CRADD: variants seen among roughly 807,000 people sequenced by gnomAD.
CRADD encodes the protein death domain-containing protein CRADD.
Under a neutral mutation model 15.5 loss-of-function variants are expected in CRADD, and 9 were observed. The ratio of observed to expected loss-of-function variants is 0.58; its 90% CI spans 0.35 to 1.01. The LOEUF (loss-of-function observed/expected upper bound fraction) is 1.01. CRADD is among the 50% of genes least tolerant of loss of function. CRADD has a pLI of 0.02. For synonymous variants in CRADD, 118 were observed against 107.6 expected, an observed-to-expected ratio of 1.10 and a Z score of -0.60; for missense variants, 227 against 250.3, an observed-to-expected ratio of 0.91 and a Z score of 0.63.
intron 2 of CRADD, among the ~76,000 whole-genome samples, chr12:93,819,045 G>A (rs1957740352): frequency 6.6e-6 from 1 of 152,210 alleles, no homozygotes; most frequent in Non-Finnish European, 1.5e-5. Context: ...ACAAAATAAG[G>A]CCTTTTCCCT....
intron 2 of CRADD, among the ~76,000 whole-genome samples, chr12:93,889,754 G>A (rs7978234): frequency 0.67 from 102,047 of 151,986 alleles, 34,517 homozygotes; most frequent in African/African-American, 0.72. Flanking sequence ...ACATAGGGAT[G>A]TGGTCAGTAA....
At chr12:93,875,887 G>A (rs991843868) in intron 2 of CRADD, among the ~76,000 whole-genome samples, 5 of 152,036 alleles carry the variant, frequency 3.3e-5, no homozygotes, top group Admixed American at 6.6e-5. Context: ...GTTTTTCTGC[G>A]TACTTACCAT....
intron 2 of CRADD, among the ~76,000 whole-genome samples, chr12:93,880,879 A>G (rs922597312): frequency 2.0e-5 from 3 of 152,208 alleles, no homozygotes; most frequent in African/African-American, 7.2e-5. Flanking sequence ...CTCTGGTTTC[A>G]GTAGATTTGT....
intron 2 of CRADD, among the ~76,000 whole-genome samples, chr12:93,830,139 C>A (rs1255607114): frequency 1.3e-5 from 2 of 152,174 alleles, no homozygotes; most frequent in Non-Finnish European, 2.9e-5. Flanking sequence ...AGAGAGGCAT[C>A]CCAGTGCCAC....
chr12:93,838,364 C>T (rs994687240), intron 2 of CRADD, among the ~76,000 whole-genome samples: 41 of 151,752 alleles, frequency 2.7e-4, no homozygotes, highest in Admixed American at 1.1e-3. Flanking sequence ...GGAACAGCCC[C>T]GCCCTACCCC....
At chr12:93,830,622 A>G (rs1196184835) in intron 2 of CRADD, among the ~76,000 whole-genome samples, 3 of 152,228 alleles carry the variant, frequency 2.0e-5, no homozygotes, top group Admixed American at 1.3e-4. Context: ...TCCTTTATAA[A>G]TATGCCCCTT....
intron 2 of CRADD, among the ~76,000 whole-genome samples, chr12:93,713,090 A>G (rs1341273622): frequency 6.6e-6 from 1 of 152,064 alleles, no homozygotes; most frequent in Admixed American, 6.6e-5. Flanking sequence ...ATTTTCAAAA[A>G]CAGTTTTTCA....
At chr12:93,886,772 G>A (rs1025227541) in intron 2 of CRADD, among the ~76,000 whole-genome samples, 1 of 152,178 alleles carries the variant, frequency 6.6e-6, no homozygotes, top group Non-Finnish European at 1.5e-5. Flanking sequence ...TGGCCATCGA[G>A]ACTGTCTGGC....
chr12:93,831,654 G>T (rs1032196983), intron 2 of CRADD, among the ~76,000 whole-genome samples: 1 of 152,228 alleles, frequency 6.6e-6, no homozygotes, highest in East Asian at 1.9e-4. Context: ...TTGTGCTAGG[G>T]GCTAGCTGTG....
intron 2 of CRADD, among the ~76,000 whole-genome samples, chr12:93,876,232 T>C (rs1958457087): frequency 6.6e-6 from 1 of 152,202 alleles, no homozygotes; most frequent in Admixed American, 6.5e-5. Flanking sequence ...TTTCTCTTGC[T>C]GCTTTTAGGA....
downstream of CRADD, among the ~76,000 whole-genome samples, chr12:93,851,977 T>C (rs1211359770): frequency 6.6e-6 from 1 of 152,236 alleles, no homozygotes; most frequent in African/African-American, 2.4e-5. Flanking sequence ...TGCCACAGTT[T>C]ATTCTTCCAG....
At chr12:93,856,098 G>A (rs566912334) in intron 2 of CRADD, among the ~76,000 whole-genome samples, 13 of 152,312 alleles carry the variant, frequency 8.5e-5, no homozygotes, top group East Asian at 5.8e-4. Flanking sequence ...GAGCCACTGC[G>A]CCCGGCCCAG....
At chr12:93,796,771 A>G (rs372299951) in intron 2 of CRADD, among the ~76,000 whole-genome samples, 1 of 152,270 alleles carries the variant, frequency 6.6e-6, no homozygotes. Context: ...CCCATGGTTA[A>G]TGAGTCTCTT....
At chr12:93,891,974 T>C (rs1958579118) in intron 2 of CRADD, among the ~76,000 whole-genome samples, 2 of 152,230 alleles carry the variant, frequency 1.3e-5, no homozygotes, top group Admixed American at 6.5e-5. Flanking sequence ...TCATAGATTA[T>C]GGTTTATCAA....
intron 2 of CRADD, among the ~76,000 whole-genome samples, chr12:93,764,462 T>C (rs555247019): frequency 1.3e-5 from 2 of 152,304 alleles, no homozygotes; most frequent in Non-Finnish European, 2.9e-5. Flanking sequence ...GTGGCGCTTT[T>C]TGGTTGACAA....
chr12:93,872,328 C>A (rs1958427683), intron 2 of CRADD, among the ~76,000 whole-genome samples: 3 of 152,134 alleles, frequency 2.0e-5, no homozygotes, highest in Admixed American at 2.0e-4. Context: ...GGGTAGTTTG[C>A]AAATATTTTC....
At chr12:93,833,352 T>A (rs911887644) in intron 2 of CRADD, among the ~76,000 whole-genome samples, 2 of 152,144 alleles carry the variant, frequency 1.3e-5, no homozygotes, top group Admixed American at 1.3e-4. Flanking sequence ...TATATTTATT[T>A]TTTTGAGGTA....
intron 2 of CRADD, among the ~76,000 whole-genome samples, chr12:93,790,436 A>G (rs1957335287): frequency 6.6e-6 from 1 of 152,062 alleles, no homozygotes; most frequent in Non-Finnish European, 1.5e-5. Context: ...CATTGTGCAC[A>G]TGTACCCTAA....
At chr12:93,723,405 C>T (rs1457865594) in intron 2 of CRADD, among the ~76,000 whole-genome samples, 2 of 152,144 alleles carry the variant, frequency 1.3e-5, no homozygotes, top group African/African-American at 4.8e-5. Flanking sequence ...CTGGTGCCAC[C>T]CAGACTGGTA....
Sources: gnomAD v4.1 joint callset for allele counts (sites outside exome capture counted in the v4.1 genomes callset) on GRCh38, gnomAD v4.1.1 for gene constraint, MANE v1.5 for transcripts, NCBI Gene and HGNC (gene_info 2026-07-23, HGNC 2026-07-21) for gene names.